Variants in HTR2C observed in about 807,000 individuals in gnomAD.
HTR2C encodes 5-hydroxytryptamine receptor 2C, also known as 5-hydroxytryptamine (serotonin) receptor 2C, G protein-coupled.
A neutral mutation model predicts 21.0 loss-of-function variants in HTR2C; 5 were observed. The ratio of observed to expected loss-of-function variants is 0.24; its 90% CI spans 0.12 to 0.50. The LOEUF is 0.50. HTR2C is among the 20% of genes least tolerant of loss of function. HTR2C has a pLI of 0.98. For missense variants in HTR2C, 271 were observed against 371.2 expected (o/e 0.73, Z 2.22); for synonymous variants, 150 against 145.3 (o/e 1.03, Z -0.23).
chrX:114,717,306 C>T (rs923139614), intron 2 of HTR2C, among the ~76,000 whole-genome samples: 3 of 111,844 alleles, frequency 2.7e-5, no homozygotes, highest in Non-Finnish European at 5.6e-5. Context: ...CTCCTGAGCT[C>T]AAGCAATCCA....
At chrX:114,670,289 G>A (rs1468009116) in intron 2 of HTR2C, among the ~76,000 whole-genome samples, 1 of 108,735 alleles carries the variant, frequency 9.2e-6, no homozygotes, top group Non-Finnish European at 1.9e-5. Context: ...CAGCTACTTG[G>A]GAGGCTGAGG....
chrX:114,772,272 A>C (rs2147391052), intron 4 of HTR2C, among the ~76,000 whole-genome samples: 1 of 112,071 alleles, frequency 8.9e-6, no homozygotes, highest in South Asian at 3.7e-4. Flanking sequence ...TGACATTTTA[A>C]ACATAATAGC....
chrX:114,823,448 G>A (rs782600898), intron 4 of HTR2C: 4 of 342,356 alleles, frequency 1.2e-5, no homozygotes, highest in Non-Finnish European at 2.3e-5. Flanking sequence ...GTTCATCTTC[G>A]CATGGGCCGG....
intron 2 of HTR2C, among the ~76,000 whole-genome samples, chrX:114,700,673 G>A (rs2147307767): frequency 8.9e-6 from 1 of 112,565 alleles, no homozygotes; most frequent in Admixed American, 9.4e-5. Flanking sequence ...TGAGGTATCA[G>A]GTTAATCTCA....
chrX:114,819,750 G>A (rs113879402), intron 4 of HTR2C, among the ~76,000 whole-genome samples: 1 of 112,235 alleles, frequency 8.9e-6, no homozygotes. Context: ...TGTGGAACAC[G>A]GGCTGAGGAT....
rs6643888 is a variant in HTR2C at position 114,703,023 on chromosome X, A to C, written c.-79-23835A>C. 7.4e-3 allele frequency among the ~76,000 whole-genome samples: 598 copies of C among 80,859 alleles called. 8 individuals are homozygous for C. Among genetic ancestry groups the C allele is most frequent in the Non-Finnish European group, 0.011 (455 of 40,332 alleles). The allele number at this position is 80,859 out of a possible 115,157, so 70.2% of individuals were successfully genotyped here. ...AAGAAGAGCTAACTATCCTAAATAT[A>C]TATGCACCCAATACAGGAGCACCCG... is the stretch of plus-strand genomic sequence containing the variant. On this transcript the variant is annotated intron_variant, in intron 2 of 5. Transcript: ENST00000276198.
intron 4 of HTR2C, among the ~76,000 whole-genome samples, chrX:114,835,467 T>G (rs1238925560): frequency 9.2e-6 from 1 of 108,155 alleles, no homozygotes; most frequent in Non-Finnish European, 1.9e-5. Context: ...CATCTTCCAT[T>G]GCTGATACCC....
intron 2 of HTR2C, among the ~76,000 whole-genome samples, chrX:114,616,379 C>T (rs782638481): frequency 1.0e-4 from 11 of 109,827 alleles, no homozygotes; most frequent in Non-Finnish European, 1.7e-4. Context: ...CTCTGCCTGC[C>T]GGGTTCAAGC....
At chrX:114,872,332 T>G (rs1340562546) in intron 5 of HTR2C, among the ~76,000 whole-genome samples, 1 of 111,246 alleles carries the variant, frequency 9.0e-6, no homozygotes, top group Non-Finnish European at 1.9e-5. Context: ...GTTATTTCTT[T>G]CTTTTTGCTT....
At chrX:114,735,981 T>C (rs1399313969) in intron 4 of HTR2C, among the ~76,000 whole-genome samples, 2 of 110,025 alleles carry the variant, frequency 1.8e-5, no homozygotes, top group African/African-American at 6.6e-5. Context: ...GGTGTGGTGG[T>C]GGGCACCTGT....
intron 2 of HTR2C, among the ~76,000 whole-genome samples, chrX:114,641,283 C>T (rs782421157): frequency 4.5e-5 from 5 of 110,871 alleles, no homozygotes; most frequent in Admixed American, 2.0e-4. Flanking sequence ...ATAAAATTCA[C>T]GAATAGATGC....
At position 114,806,493 on chromosome X, in the gene HTR2C, C is replaced by CATAT. The variant is rs201164452; in HGVS notation, c.350-41504_350-41501dup. ...ATATATATACTGTATATATATACAC[C>CATAT]ATATATATACACCATATATACACCA... On this transcript the variant is annotated intron_variant, in intron 4 of 5. Coordinates refer to ENST00000276198, the MANE Select transcript of HTR2C (RefSeq NM_000868.4). 3.9e-4 allele frequency among the ~76,000 whole-genome samples: 22 copies of CATAT among 56,672 alleles called. 5 individuals carry two copies. Among genetic ancestry groups the CATAT allele is most frequent in the Non-Finnish European group, 6.6e-4 (21 of 32,053 alleles). 49.2% of individuals were successfully genotyped at this position (56,672 alleles called of 115,157 possible). A position where few individuals can be genotyped will look rare whatever the true frequency, so the allele number is the denominator to read the frequency against.
intron 5 of HTR2C, among the ~76,000 whole-genome samples, chrX:114,904,671 C>T (rs2086897201): frequency 1.8e-5 from 2 of 111,266 alleles, no homozygotes; most frequent in African/African-American, 6.5e-5. Context: ...CCCCCTCTAA[C>T]ATTTTCTCTT....
At chrX:114,730,011 A>C (rs2147344880) in intron 3 of HTR2C, among the ~76,000 whole-genome samples, 1 of 112,094 alleles carries the variant, frequency 8.9e-6, no homozygotes, top group Admixed American at 9.5e-5. Flanking sequence ...GTTTAACATT[A>C]ATTAAATAAC....
chrX:114,695,751 G>A (rs1480788094), intron 2 of HTR2C, among the ~76,000 whole-genome samples: 1 of 111,537 alleles, frequency 9.0e-6, no homozygotes, highest in South Asian at 3.7e-4. Context: ...TTCCTATGAG[G>A]TTTTGTGAGC....
chrX:114,748,196 T>G (rs1000593222), intron 4 of HTR2C, among the ~76,000 whole-genome samples: 1 of 111,997 alleles, frequency 8.9e-6, no homozygotes, highest in Non-Finnish European at 1.9e-5. Context: ...ATTATAAATG[T>G]AAATCTACCA....
intron 4 of HTR2C, among the ~76,000 whole-genome samples, chrX:114,805,884 GTATACCATATATATACATCATATA>G (rs2070415493): frequency 1.6e-4 from 2 of 12,504 alleles, no homozygotes; most frequent in Non-Finnish European, 3.6e-4. Context: ...TACACCATAT[GTATACCATATATATACATCATATA>G]TATACCATAT....
intron 2 of HTR2C, among the ~76,000 whole-genome samples, chrX:114,629,916 C>T: frequency 9.0e-6 from 1 of 110,852 alleles, no homozygotes; most frequent in Non-Finnish European, 1.9e-5. Context: ...TAGAGTAGTG[C>T]TTGGTTCATA....
intron 4 of HTR2C, among the ~76,000 whole-genome samples, chrX:114,821,342 T>C (rs2070631104): frequency 8.9e-6 from 1 of 111,791 alleles, no homozygotes; most frequent in South Asian, 3.7e-4. Flanking sequence ...GATTGCTACA[T>C]GATGCTTTAA....
Sources: gnomAD v4.1 joint callset for allele counts (sites outside exome capture counted in the v4.1 genomes callset) on GRCh38, gnomAD v4.1.1 for gene constraint, MANE v1.5 for transcripts, NCBI Gene and HGNC (gene_info 2026-07-23, HGNC 2026-07-21) for gene names.